THADA: variants seen among roughly 807,000 people sequenced by gnomAD.
THADA encodes THADA armadillo repeat containing, also known as tRNA (32-2'-O)-methyltransferase regulator THADA.
Under a neutral mutation model 219.8 loss-of-function variants are expected in THADA, and 213 were observed. The observed-to-expected ratio is 0.97, with a 90% CI of 0.87 to 1.09. THADA has a LOEUF of 1.09. THADA is among the 50% of genes least tolerant of loss of function. The pLI is 0.00. For missense variants in THADA, 2,956 were observed against 2,311.3 expected, an observed-to-expected ratio of 1.28 and a Z score of -5.72; for synonymous variants, 1,018 against 828.9, an observed-to-expected ratio of 1.23 and a Z score of -3.92.
chr2:43,363,419 C>A (rs935018702), intron 29 of THADA, among the ~76,000 whole-genome samples: 1 of 152,122 alleles, frequency 6.6e-6, no homozygotes, highest in African/African-American at 2.4e-5. Context: ...TGATGCATGA[C>A]CGTAGTTAAT....
chr2:43,549,764 C>A (rs184140792), intron 19 of THADA, among the ~76,000 whole-genome samples: 1 of 150,134 alleles, frequency 6.7e-6, no homozygotes, highest in East Asian at 2.0e-4. Context: ...ATGAAGCAGG[C>A]AACAGAAAAG....
intron 31 of THADA, among the ~76,000 whole-genome samples, chr2:43,315,709 C>T (rs977443951): frequency 2.6e-5 from 4 of 152,190 alleles, no homozygotes; most frequent in Admixed American, 2.6e-4. Flanking sequence ...TCAGGCAATC[C>T]TCCTGCTTTG....
chr2:43,566,036 C>T (rs556557820), intron 15 of THADA: 19 of 156,074 alleles, frequency 1.2e-4, no homozygotes, highest in South Asian at 2.0e-4. Context: ...TGCAGTGAGC[C>T]GAGATCACGC....
intron 21 of THADA, chr2:43,538,686 C>G (rs1694918773): frequency 6.6e-6 from 1 of 152,186 alleles, no homozygotes; most frequent in African/African-American, 2.4e-5. Flanking sequence ...GTTCCTGTTC[C>G]AGAGCTGCCA....
At chr2:43,306,191 C>G (rs1676843984) in intron 31 of THADA, among the ~76,000 whole-genome samples, 1 of 151,968 alleles carries the variant, frequency 6.6e-6, no homozygotes, top group African/African-American at 2.4e-5. Context: ...TTTGTATTTT[C>G]TGTAGAGATG....
chr2:43,533,120 C>T (rs1039965376), intron 21 of THADA, among the ~76,000 whole-genome samples: 4 of 152,138 alleles, frequency 2.6e-5, no homozygotes, highest in Non-Finnish European at 5.9e-5. Context: ...ATTTATGCAG[C>T]TAACAAATAT....
intron 26 of THADA, among the ~76,000 whole-genome samples, chr2:43,457,854 A>G (rs149552172): frequency 1.4e-3 from 216 of 152,196 alleles, no homozygotes; most frequent in African/African-American, 4.8e-3. Context: ...TCCATTATAA[A>G]GTCTATTCCA....
rs371018924 is a variant in THADA at position 43,231,075 on chromosome 2, A to G, written c.5735T>C (p.Leu1912Ser). 94 of 1,613,842 alleles carry G rather than the reference A, an allele frequency of 5.8e-5. No homozygotes were observed. Among genetic ancestry groups the G allele is most frequent in the Non-Finnish European group, 7.6e-5 (90 of 1,179,886 alleles). Reference protein sequence around the residue: ...TRLRIQEERTLACLRLLAFLE... With the variant: ...TRLRIQEERTSACLRLLAFLE... The stretch of plus-strand genomic sequence containing the variant: ...AAAGGCCAGCAGCCTCAAGCAAGCC[A>G]AAGTCCTTTCCTCTTGAATGCGTAG... The change falls in exon 38 of 38, where the codon TTG becomes TCG. Residue 1912 changes from leucine to serine, a missense_variant. Coordinates refer to ENST00000405975, the MANE Select transcript of THADA (RefSeq NM_022065.5).
chr2:43,407,431 AATAC>A (rs1004978262), intron 28 of THADA, among the ~76,000 whole-genome samples: 1 of 152,184 alleles, frequency 6.6e-6, no homozygotes, highest in African/African-American at 2.4e-5. Flanking sequence ...TGTCACATTA[AATAC>A]ATATTCTTAT....
chr2:43,344,457 C>T (rs1573176309), intron 29 of THADA, among the ~76,000 whole-genome samples: 1 of 152,196 alleles, frequency 6.6e-6, no homozygotes, highest in Non-Finnish European at 1.5e-5. Flanking sequence ...GGGTTTCTCA[C>T]ACAATCCCCA....
Position 43,492,570 on chromosome 2 carries a change from T to C in THADA, c.3744+6263A>G, listed in dbSNP as rs1687775488. Among the ~76,000 whole-genome samples, 3 of 152,272 alleles carry C rather than the reference T, an allele frequency of 2.0e-5. No individual in the cohort carries two copies. In the South Asian group the frequency reaches 6.2e-4, roughly 32 times the overall value. ...TAATAGGCAGTCAATTTCTTAAGGATGGGATCCACACATGACACTTAATAT... is the reference window on the plus strand; with the variant it reads ...TAATAGGCAGTCAATTTCTTAAGGACGGGATCCACACATGACACTTAATAT... On this transcript the variant is annotated intron_variant, in intron 25 of 37. Transcript: ENST00000405975.
intron 36 of THADA, among the ~76,000 whole-genome samples, chr2:43,248,520 C>G (rs971848779): frequency 6.6e-6 from 1 of 152,080 alleles, no homozygotes; most frequent in Admixed American, 6.5e-5. Flanking sequence ...GCATGAGCCA[C>G]CACGCTCGCT....
rs532779488 is a variant in THADA at position 43,520,638 on chromosome 2, CA to C, written c.3374+7240del. 1.3e-4 allele frequency among the ~76,000 whole-genome samples: 19 copies of C among 151,720 alleles called. No individual in the cohort carries two copies. The South Asian group carries it at 2.5e-3, about 20-fold the overall frequency. On this transcript the variant is annotated intron_variant, in intron 22 of 37. Transcript: ENST00000405975. ...CCAGGAGGTTGAGGCTGCAATGAGC[CA>C]ATATCACACCACTGTGCTCCAGCCT...
chr2:43,579,197 A>C (rs1267133556), intron 8 of THADA, among the ~76,000 whole-genome samples: 1 of 152,164 alleles, frequency 6.6e-6, no homozygotes, highest in Admixed American at 6.5e-5. Context: ...CTCTCCTCTA[A>C]CATACACTTT....
At chr2:43,480,860 A>G (rs1686132353) in intron 26 of THADA, among the ~76,000 whole-genome samples, 1 of 151,746 alleles carries the variant, frequency 6.6e-6, no homozygotes, top group South Asian at 2.1e-4. Flanking sequence ...TACCCCGGCC[A>G]CAGTCAAAAG....
At chr2:43,381,554 G>A (rs1672029766) in intron 29 of THADA, among the ~76,000 whole-genome samples, 1 of 151,514 alleles carries the variant, frequency 6.6e-6, no homozygotes, top group African/African-American at 2.4e-5. Context: ...TAAGCCATGT[G>A]ATTAATGTTA....
intron 36 of THADA, among the ~76,000 whole-genome samples, chr2:43,242,339 A>G (rs1668707855): frequency 6.6e-6 from 1 of 152,224 alleles, no homozygotes; most frequent in African/African-American, 2.4e-5. Flanking sequence ...AGGTCTAGGT[A>G]GATAGAATTA....
chr2:43,559,281 T>C (rs1170871267), intron 16 of THADA, among the ~76,000 whole-genome samples: 1 of 152,146 alleles, frequency 6.6e-6, no homozygotes, highest in African/African-American at 2.4e-5. Context: ...CAACTTCCAA[T>C]ATGGACCCAA....
At chr2:43,348,994 GA>G in intron 29 of THADA, among the ~76,000 whole-genome samples, 1 of 152,270 alleles carries the variant, frequency 6.6e-6, no homozygotes, top group African/African-American at 2.4e-5. Context: ...AGAAACAGGA[GA>G]AAGCTTTGTT....
Sources: allele counts gnomAD v4.1 joint callset (sites outside exome capture counted in the v4.1 genomes callset), GRCh38; gene constraint gnomAD v4.1.1; transcripts MANE v1.5; gene names NCBI Gene and HGNC (gene_info 2026-07-23, HGNC 2026-07-21).